Variants in NT5C1A observed in about 807,000 individuals in gnomAD.
NT5C1A encodes cytosolic 5'-nucleotidase 1A.
NT5C1A carries 18 observed loss-of-function variants against 31.0 expected under a neutral mutation model. The observed-to-expected ratio is 0.58, with a 90% CI of 0.40 to 0.86. NT5C1A has a LOEUF of 0.86. NT5C1A is among the 40% of genes least tolerant of loss of function. NT5C1A has a pLI of 0.00. For synonymous variants in NT5C1A, 185 were observed against 203.6 expected, an observed-to-expected ratio of 0.91 and a Z score of 0.78; for missense variants, 470 against 505.4, an observed-to-expected ratio of 0.93 and a Z score of 0.67.
intron 1 of NT5C1A, among the ~76,000 whole-genome samples, chr1:39,667,433 A>C (rs1218416333): frequency 6.6e-6 from 1 of 152,184 alleles, no homozygotes; most frequent in Non-Finnish European, 1.5e-5. Context: ...AGATACCCAG[A>C]GAATCCCACC....
Position 39,655,520 on chromosome 1 carries a change from T to C in NT5C1A, c.*3601A>G, listed in dbSNP as rs553881703. On this transcript the variant is annotated 3_prime_UTR_variant, in exon 6 of 6. Transcript: ENST00000235628. ...ATTAACTGTCAGGTAAGTAAACTCC[T>C]TTAGTGAAGACCTCAGAATGGAGCT... Among the ~76,000 whole-genome samples, 104 of 152,220 alleles carry C rather than the reference T, an allele frequency of 6.8e-4. No individual in the cohort carries two copies. Among genetic ancestry groups the C allele is most frequent in the Non-Finnish European group, 1.2e-3 (80 of 68,036 alleles).
chr1:39,665,977 G>T, intron 2 of NT5C1A, 92 bp downstream of exon 2: 2 of 1,212,212 alleles, frequency 1.6e-6, no homozygotes, highest in Non-Finnish European at 1.2e-6. Flanking sequence ...GCCCAGAGGG[G>T]CCCTTTCACC....
chr1:39,660,756 A>G (rs1646489034), intron 5 of NT5C1A, among the ~76,000 whole-genome samples: 1 of 151,990 alleles, frequency 6.6e-6, no homozygotes, highest in South Asian at 2.1e-4. Flanking sequence ...GGGGACATAG[A>G]GAATGGGGAC....
In NT5C1A at chr1:39,666,055, A is replaced by G. The variant is rs41264509; in HGVS notation, c.303+14T>C. 748 of 1,609,360 alleles carry G rather than the reference A, an allele frequency of 4.6e-4. No homozygotes were observed. The highest frequency in any genetic ancestry group is 5.7e-4 in the Non-Finnish European group (673 of 1,177,872). Reference sequence around the variant, plus strand: ...AAGGCGCTATATGAGCTAGTGGTGGAACTGCTCCCTCACCTTCACAAAAGG... The same window carrying G: ...AAGGCGCTATATGAGCTAGTGGTGGGACTGCTCCCTCACCTTCACAAAAGG... On this transcript the variant is annotated intron_variant, in intron 2 of 5. Coordinates refer to ENST00000235628, the MANE Select transcript of NT5C1A (RefSeq NM_032526.3).
intron 4 of NT5C1A, 30 bp from the exon 5 acceptor site, chr1:39,661,293 C>G (rs1167197760): frequency 7.2e-7 from 1 of 1,381,390 alleles, no homozygotes; most frequent in East Asian, 2.3e-5. Context: ...CATTGTCTGC[C>G]TTCAGGCTGG....
intron 1 of NT5C1A, among the ~76,000 whole-genome samples, chr1:39,668,141 G>A (rs111457530): frequency 0.011 from 1,730 of 152,332 alleles, 22 homozygotes; most frequent in African/African-American, 0.039. Flanking sequence ...TGTGTCCTAA[G>A]GGTGGGGTTG....
At chr1:39,667,196 CTTTTTTTT>C (rs5773668) in intron 1 of NT5C1A, among the ~76,000 whole-genome samples, 3 of 105,140 alleles carry the variant, frequency 2.9e-5, no homozygotes, top group Non-Finnish European at 5.6e-5. Flanking sequence ...CTTTCCCCCT[CTTTTTTTT>C]TTTTTTTTTT....
rs780825544 is a variant in NT5C1A at position 39,659,161 on chromosome 1, C to T, written c.1067G>A (p.Arg356Gln). 4.3e-5 allele frequency: 69 copies of T among 1,611,310 alleles called. 1 individual carries two copies. The highest frequency in any genetic ancestry group is 2.8e-4 in the Admixed American group (17 of 59,952). Residue 356 changes from arginine (R) to glutamine (Q), a missense_variant, in exon 6 of 6, where the codon CGG (arginine) becomes CAG (glutamine). By Grantham distance (43) the Arg-to-Gln change is conservative. Coordinates refer to ENST00000235628, the MANE Select transcript of NT5C1A (RefSeq NM_032526.3). ...GGCCTGCTTTGCAGGTGCAGTCCGC[C>T]GGGGTGTCTGTGCCACACCATAAGG... ...HVPYGVAQTPRRTAPAKQAPS... is the reference protein window; with the variant it reads ...HVPYGVAQTPQRTAPAKQAPS...
At position 39,659,258 on chromosome 1, in the gene NT5C1A, G is replaced by C. The variant is rs1418601120; in HGVS notation, c.970C>G (p.His324Asp). The C allele has an allele frequency of 4.3e-6, 7 of 1,614,062 alleles. No individual in the cohort carries two copies. The highest frequency in any genetic ancestry group is 5.9e-6 in the Non-Finnish European group (7 of 1,180,056). ...KGPLLEKIRP[H>D]IFFDDQMFHV... The stretch of plus-strand genomic sequence containing the variant: ...AACATCTGGTCATCAAAGAAGATGT[G>C]TGGGCGGATCTTCTCAAGGAGAGGG... Residue 324 changes from histidine to aspartate, a missense_variant, in exon 6 of 6, where the codon CAC becomes GAC. Transcript: ENST00000235628.
intron 1 of NT5C1A, among the ~76,000 whole-genome samples, chr1:39,667,196 C>CTTTT (rs5773668): frequency 9.5e-6 from 1 of 105,138 alleles, no homozygotes. Context: ...CTTTCCCCCT[C>CTTTT]TTTTTTTTTT....
chr1:39,667,136 T>C (rs1646527860), intron 1 of NT5C1A, among the ~76,000 whole-genome samples: 1 of 151,714 alleles, frequency 6.6e-6, no homozygotes, highest in South Asian at 2.1e-4. Context: ...CATTCCCCTC[T>C]TCCAATCCCC....
In NT5C1A at chr1:39,652,093, A is replaced by G. The variant is rs1335547443; in HGVS notation, c.*7028T>C. On this transcript the variant is annotated 3_prime_UTR_variant, in exon 6 of 6. Transcript: ENST00000235628. Reference sequence around the variant, plus strand: ...GAAGTTTGTACATACGCAGTTTTGAACACACAAAGGCTGAGCTAGGTCATC... The same window carrying G: ...GAAGTTTGTACATACGCAGTTTTGAGCACACAAAGGCTGAGCTAGGTCATC... Among the ~76,000 whole-genome samples the G allele has an allele frequency of 6.7e-6, 1 of 148,242 alleles. No individual in the cohort carries two copies. The highest frequency in any genetic ancestry group is 1.5e-5 in the Non-Finnish European group (1 of 67,124).
At chr1:39,663,287 A>G (rs748164526) in intron 4 of NT5C1A, 25 bp downstream of exon 4, 6 of 1,613,858 alleles carry the variant, frequency 3.7e-6, no homozygotes, top group Non-Finnish European at 5.1e-6. Context: ...CACTCCCCAT[A>G]TTCTTCCTCT....
chr1:39,659,170 T>C lies in NT5C1A; in HGVS notation c.1058A>G (p.Gln353Arg). 6.2e-7 allele frequency: 1 copy of C among 1,613,116 alleles called. No individual in the cohort carries two copies. Among genetic ancestry groups the C allele is most frequent in the Non-Finnish European group, 8.5e-7 (1 of 1,179,356 alleles). Reference sequence around the variant, plus strand: ...TGCAGGTGCAGTCCGCCGGGGTGTCTGTGCCACACCATAAGGCACATGGGC... The same window carrying C: ...TGCAGGTGCAGTCCGCCGGGGTGTCCGTGCCACACCATAAGGCACATGGGC... The part of the protein sequence containing the change: ...VAAHVPYGVA[Q>R]TPRRTAPAKQ... Residue 353 changes from glutamine (Q) to arginine (R), a missense_variant, in exon 6 of 6, where the codon CAG becomes CGG. Physicochemically the swap from Gln to Arg is conservative, Grantham distance 43. Transcript: ENST00000235628.
chr1:39,657,450 C>G lies in NT5C1A; in HGVS notation c.*1671G>C, dbSNP rs895568590. On this transcript the variant is annotated 3_prime_UTR_variant, in exon 6 of 6. Transcript: ENST00000235628. ...CCACCACATCTCCAGGCTTCTGCCC[C>G]TCTCATGATACTTTTGGTTTTCTTT... Among the ~76,000 whole-genome samples the G allele has an allele frequency of 3.3e-5, 5 of 152,224 alleles. No homozygotes were observed. Among genetic ancestry groups the G allele is most frequent in the Non-Finnish European group, 7.3e-5 (5 of 68,038 alleles).
At chr1:39,664,285 C>T (rs974194776) in intron 3 of NT5C1A, among the ~76,000 whole-genome samples, 1 of 150,736 alleles carries the variant, frequency 6.6e-6, no homozygotes, top group South Asian at 2.1e-4. Context: ...TCCCGAGTAG[C>T]TGGGACCACA....
Position 39,666,227 on chromosome 1 carries a change from G to A in NT5C1A, c.145C>T (p.Gln49Ter). 6.2e-7 allele frequency: 1 copy of A among 1,613,438 alleles called. No homozygotes were observed. The highest frequency in any genetic ancestry group is 8.5e-7 in the Non-Finnish European group (1 of 1,179,912). ...GACACAGCGATGGTGACTGCATTCT[G>A]AGGCTTGGGCTGCAGAGGTATGGGA... ...PKKKPKSPKP[Q>*]NAVTIAVSSR... Residue 49 changes from glutamine (Q) to a stop codon, truncating the protein, a stop_gained, in exon 2 of 6, where the codon CAG (glutamine) becomes TAG (stop). Transcript: ENST00000235628. LOFTEE classifies it high-confidence loss of function.
chr1:39,653,905 A>G lies in NT5C1A; in HGVS notation c.*5216T>C, dbSNP rs1166269586. On this transcript the variant is annotated 3_prime_UTR_variant, in exon 6 of 6. Transcript: ENST00000235628. Reference sequence around the variant, plus strand: ...ATTCTGGGCCTTGCATGCCTCTTGGATAGCAAAACCCAACACCAATAGGGA... The same window carrying G: ...ATTCTGGGCCTTGCATGCCTCTTGGGTAGCAAAACCCAACACCAATAGGGA... 6.6e-6 allele frequency among the ~76,000 whole-genome samples: 1 copy of G among 152,164 alleles called. No individual in the cohort carries two copies. The highest frequency in any genetic ancestry group is 2.4e-5 in the African/African-American group (1 of 41,428).
At chr1:39,668,184 C>T (rs1646533252) in intron 1 of NT5C1A, among the ~76,000 whole-genome samples, 1 of 152,180 alleles carries the variant, frequency 6.6e-6, no homozygotes. Flanking sequence ...TCTCATAAAC[C>T]CTGGAAGCCT....
Sources: gnomAD v4.1 joint callset for allele counts (sites outside exome capture counted in the v4.1 genomes callset) on GRCh38, gnomAD v4.1.1 for gene constraint, MANE v1.5 for transcripts, NCBI Gene and HGNC (gene_info 2026-07-23, HGNC 2026-07-21) for gene names.